Variants in DCDC1 observed in about 807,000 individuals in gnomAD.
DCDC1 encodes the protein doublecortin domain containing 1.
Under a neutral mutation model 178.3 loss-of-function variants are expected in DCDC1, and 200 were observed. The observed-to-expected ratio is 1.12, with a 90% CI of 1.00 to 1.26. The LOEUF (loss-of-function observed/expected upper bound fraction) is 1.26, where lower values mean the gene tolerates loss of function less well. Among genes scored for constraint, DCDC1 ranks in the 50% most tolerant of loss-of-function variants. The pLI is 0.00. For missense variants in DCDC1, 1,983 were observed against 1,749.2 expected (o/e 1.13, Z -2.38); for synonymous variants, 690 against 604.8 (o/e 1.14, Z -2.07).
intron 9 of DCDC1, among the ~76,000 whole-genome samples, chr11:31,188,540 A>G (rs1303077786): frequency 3.9e-5 from 6 of 152,152 alleles, no homozygotes; most frequent in Non-Finnish European, 5.9e-5. Context: ...AATTGTTCCA[A>G]AGGCCAAATA....
intron 7 of DCDC1, 89 bp downstream of exon 7, chr11:31,290,558 A>G: frequency 1.5e-6 from 2 of 1,303,812 alleles, no homozygotes; most frequent in Non-Finnish European, 2.1e-6. Flanking sequence ...ATTTGTTGGC[A>G]TCGATATTTA....
intron 20 of DCDC1, among the ~76,000 whole-genome samples, chr11:31,017,550 T>TAA (rs55971566): frequency 3.4e-5 from 5 of 145,674 alleles, no homozygotes; most frequent in African/African-American, 1.2e-4. Flanking sequence ...TTATCAATGG[T>TAA]AAAAAAAAAA....
chr11:30,933,720 C>T (rs1458189571), intron 21 of DCDC1, among the ~76,000 whole-genome samples: 2 of 152,118 alleles, frequency 1.3e-5, no homozygotes, highest in Non-Finnish European at 2.9e-5. Context: ...GCATCCAAAC[C>T]CAAAGAATGG....
intron 9 of DCDC1, among the ~76,000 whole-genome samples, chr11:31,151,554 TC>T (rs1177981194): frequency 6.6e-6 from 1 of 152,208 alleles, no homozygotes; most frequent in Non-Finnish European, 1.5e-5. Flanking sequence ...CATTATTTTT[TC>T]ATACTGAAAA....
At chr11:31,102,854 G>A (rs1591052632) in intron 14 of DCDC1, among the ~76,000 whole-genome samples, 2 of 152,144 alleles carry the variant, frequency 1.3e-5, no homozygotes, top group Non-Finnish European at 2.9e-5. Flanking sequence ...TTATTGGACG[G>A]CACTAAATAG....
At chr11:31,281,507 G>A (rs1946428874) in intron 7 of DCDC1, among the ~76,000 whole-genome samples, 2 of 151,908 alleles carry the variant, frequency 1.3e-5, no homozygotes, top group Admixed American at 1.3e-4. Flanking sequence ...AATACCTACT[G>A]AAATGAGCAT....
chr11:31,097,734 G>C (rs1958245822), intron 15 of DCDC1, among the ~76,000 whole-genome samples: 1 of 152,106 alleles, frequency 6.6e-6, no homozygotes, highest in African/African-American at 2.4e-5. Context: ...TATGCTAATG[G>C]CAATCCGTTC....
Position 31,091,516 on chromosome 11 carries a change from C to T in DCDC1, c.2119-5G>A, listed in dbSNP as rs1249300252. On this transcript the variant is annotated splice_polypyrimidine_tract_variant and splice_region_variant and intron_variant, in intron 16 of 38. Coordinates refer to ENST00000684477, the MANE Select transcript of DCDC1 (RefSeq NM_001387274.1). ...TCGGCTCAGGATCATTCCAGTCTTC[C>T]AATGAATAGAGAGGGGGAGAAAGGT... is the stretch of plus-strand genomic sequence containing the variant. 1 of 742,922 alleles carries T rather than the reference C, an allele frequency of 1.3e-6. No homozygotes were observed. Among genetic ancestry groups the T allele is most frequent in the Non-Finnish European group, 2.5e-6 (1 of 405,546 alleles). 46.0% of individuals were successfully genotyped at this position (742,922 alleles called of 1,614,324 possible). A position where few individuals can be genotyped will look rare whatever the true frequency, so the allele number is the denominator to read the frequency against.
At chr11:31,060,441 CTTA>C (rs1955846736) in intron 20 of DCDC1, among the ~76,000 whole-genome samples, 1 of 152,048 alleles carries the variant, frequency 6.6e-6, no homozygotes, top group Non-Finnish European at 1.5e-5. Flanking sequence ...ACACCTGTTT[CTTA>C]TCAAATCATA....
chr11:30,982,108 G>T (rs556609230), intron 20 of DCDC1, among the ~76,000 whole-genome samples: 1 of 152,162 alleles, frequency 6.6e-6, no homozygotes, highest in South Asian at 2.1e-4. Flanking sequence ...CATGTTAAAG[G>T]TACACTAGAG....
chr11:31,292,232 T>C (rs1228448042), intron 6 of DCDC1, among the ~76,000 whole-genome samples: 1 of 152,218 alleles, frequency 6.6e-6, no homozygotes, highest in Admixed American at 6.5e-5. Context: ...GAAATTATAA[T>C]AGAAAAATAA....
intron 7 of DCDC1, among the ~76,000 whole-genome samples, chr11:31,278,070 A>ATGAATGATTGTGAGGTAAGTT (rs1946123567): frequency 6.6e-6 from 1 of 152,108 alleles, no homozygotes; most frequent in Admixed American, 6.5e-5. Flanking sequence ...ATCAATTTTC[A>ATGAATGATTGTGAGGTAAGTT]TGAATGATTG....
At chr11:30,900,248 A>T (rs1944559537) in intron 33 of DCDC1, 98 bp downstream of exon 33, 1 of 1,086,754 alleles carries the variant, frequency 9.2e-7, no homozygotes, top group Non-Finnish European at 1.2e-6. Context: ...TTATGTTGAT[A>T]TTATACACAT....
chr11:31,112,642 G>A (rs1184438359), intron 11 of DCDC1, among the ~76,000 whole-genome samples: 17 of 152,162 alleles, frequency 1.1e-4, no homozygotes, highest in Admixed American at 8.5e-4. Flanking sequence ...GAAAAACATA[G>A]TAGCTAACAA....
At chr11:30,998,521 T>A (rs1951396488) in intron 20 of DCDC1, among the ~76,000 whole-genome samples, 1 of 127,228 alleles carries the variant, frequency 7.9e-6, no homozygotes, top group South Asian at 2.5e-4. Context: ...AATGAAAGAA[T>A]GGATATATTT....
chr11:31,273,901 G>C (rs1011341157), intron 7 of DCDC1, among the ~76,000 whole-genome samples: 12 of 152,166 alleles, frequency 7.9e-5, no homozygotes, highest in African/African-American at 2.9e-4. Flanking sequence ...CAAGCAGAGA[G>C]AGAGCTTGTG....
intron 20 of DCDC1, among the ~76,000 whole-genome samples, chr11:30,978,544 T>C (rs973695208): frequency 6.6e-6 from 1 of 152,192 alleles, no homozygotes; most frequent in Non-Finnish European, 1.5e-5. Flanking sequence ...TTTTGTTCCA[T>C]GCATAGAATG....
intron 3 of DCDC1, among the ~76,000 whole-genome samples, chr11:31,322,881 A>T (rs991049075): frequency 6.6e-6 from 1 of 152,238 alleles, no homozygotes; most frequent in Non-Finnish European, 1.5e-5. Flanking sequence ...GTGGCCTAAC[A>T]TATAATCAGC....
Position 31,127,629 on chromosome 11 carries a change from A to G in DCDC1, c.1325T>C (p.Leu442Pro), listed in dbSNP as rs1358369679. ...HHKEQEEVSR[L>P]IDELQTAIKS... ...GATAGCTGTCTGCAATTCATCAATC[A>G]GCCTGCTCACCTGAAGGGGTTAAAT... The change falls in exon 11 of 39, where the codon CTG (leucine) becomes CCG (proline). Residue 442 changes from leucine (L) to proline (P), a missense_variant. Transcript: ENST00000684477. The G allele has an allele frequency of 8.5e-6, 6 of 702,402 alleles. No homozygotes were observed. Among genetic ancestry groups the G allele is most frequent in the South Asian group, 1.5e-5 (1 of 67,568 alleles). The allele number at this position is 702,402 out of a possible 1,614,324, so 43.5% of individuals were successfully genotyped here.
Sources: allele counts gnomAD v4.1 joint callset (sites outside exome capture counted in the v4.1 genomes callset), GRCh38; gene constraint gnomAD v4.1.1; transcripts MANE v1.5; gene names NCBI Gene and HGNC (gene_info 2026-07-23, HGNC 2026-07-21).